Variants in CSMD1 observed in about 807,000 individuals in gnomAD.
The protein encoded by CSMD1 is CUB and sushi domain-containing protein 1.
In CSMD1, 213 loss-of-function variants were observed where a neutral mutation model predicts 417.5. The observed-to-expected ratio is 0.51, with a 90% CI of 0.46 to 0.57. The LOEUF is 0.57. Ranked by LOEUF, CSMD1 falls within the 20% of genes least tolerant of loss-of-function variation. CSMD1 has a pLI of 0.00. For missense variants in CSMD1, 6,923 were observed against 4,529.7 expected (o/e 1.53, Z -15.17); for synonymous variants, 2,862 against 1,736.8 (o/e 1.65, Z -16.11).
intron 5 of CSMD1, among the ~76,000 whole-genome samples, chr8:3,858,334 G>C (rs1165166024): frequency 6.6e-6 from 1 of 152,084 alleles, no homozygotes; most frequent in African/African-American, 2.4e-5. Flanking sequence ...CTTCTTTTGA[G>C]AAAAATGCTT....
chr8:4,809,863 G>A (rs182415820), intron 1 of CSMD1, among the ~76,000 whole-genome samples: 1 of 152,262 alleles, frequency 6.6e-6, no homozygotes, highest in South Asian at 2.1e-4. Flanking sequence ...GCCACATGGG[G>A]CAAGCGGTTG....
intron 5 of CSMD1, among the ~76,000 whole-genome samples, chr8:3,799,446 T>C (rs1394086053): frequency 1.5e-5 from 2 of 132,166 alleles, no homozygotes; most frequent in East Asian, 4.8e-4. Context: ...CCTTCTTGTG[T>C]CCAAGTGTTC....
In CSMD1 at chr8:4,876,429, G is replaced by T. The variant is rs1457640598; in HGVS notation, c.85+117903C>A. Among the ~76,000 whole-genome samples, 4 of 152,038 alleles carry T rather than the reference G, an allele frequency of 2.6e-5. No individual in the cohort carries two copies. In the South Asian group the frequency reaches 8.3e-4, roughly 32 times the overall value. On this transcript the variant is annotated intron_variant, in intron 1 of 69. Transcript: ENST00000635120. Reference sequence around the variant, plus strand: ...AGTACAAGTGGCCTGTTTTTGTAAAGATCTTTACTTCATACATACTAAGAA... The same window carrying T: ...AGTACAAGTGGCCTGTTTTTGTAAATATCTTTACTTCATACATACTAAGAA...
At position 4,637,366 on chromosome 8, in the gene CSMD1, GGCT is replaced by G; in HGVS notation, c.275_277del (p.Gln92del). 6.2e-7 allele frequency: 1 copy of G among 1,613,726 alleles called. No individual in the cohort carries two copies. The highest frequency in any genetic ancestry group is 8.5e-7 in the Non-Finnish European group (1 of 1,179,694). ...CCTCACTTTTAAATTCCCTTGTTGA[GGCT>G]GTCCATCGTAAACTGATAAAATATC... is the stretch of plus-strand genomic sequence containing the variant. On this transcript the variant is annotated inframe_deletion, in exon 2 of 70. Coordinates refer to ENST00000635120, the MANE Select transcript of CSMD1 (RefSeq NM_033225.6).
At chr8:4,039,589 C>G (rs1423832929) in intron 3 of CSMD1, among the ~76,000 whole-genome samples, 3 of 152,134 alleles carry the variant, frequency 2.0e-5, no homozygotes, top group Non-Finnish European at 4.4e-5. Context: ...CTTCTACTTT[C>G]AAAAAGTCTC....
At chr8:4,402,405 T>A (rs779064427) in intron 3 of CSMD1, among the ~76,000 whole-genome samples, 13 of 152,088 alleles carry the variant, frequency 8.5e-5, no homozygotes, top group Non-Finnish European at 1.6e-4. Flanking sequence ...CCGCTAGCCT[T>A]ATTACTGCTG....
At chr8:4,307,711 T>G (rs935851742) in intron 3 of CSMD1, among the ~76,000 whole-genome samples, 7 of 152,188 alleles carry the variant, frequency 4.6e-5, no homozygotes, top group African/African-American at 1.7e-4. Flanking sequence ...CACGATGCTC[T>G]TGACCATGAG....
intron 27 of CSMD1, 48 bp from the exon 28 acceptor site, chr8:3,223,915 C>A: frequency 1.3e-6 from 2 of 1,596,538 alleles, no homozygotes; most frequent in Middle Eastern, 1.7e-4. Flanking sequence ...CAGCGAAGAA[C>A]GCCTGCCAGT....
At chr8:4,002,761 A>T (rs1815789687) in intron 4 of CSMD1, among the ~76,000 whole-genome samples, 1 of 152,228 alleles carries the variant, frequency 6.6e-6, no homozygotes, top group South Asian at 2.1e-4. Flanking sequence ...ACATTATTTA[A>T]CAAAGTATAT....
At chr8:3,616,984 G>T (rs958131740) in intron 7 of CSMD1, among the ~76,000 whole-genome samples, 187 bp from the exon 8 acceptor site, 1 of 59,192 alleles carries the variant, frequency 1.7e-5, no homozygotes, top group African/African-American at 5.9e-5. Context: ...AATCAAACAT[G>T]TGTTTTCCAG....
chr8:4,356,304 G>T (rs1387673451), intron 3 of CSMD1, among the ~76,000 whole-genome samples: 1 of 149,244 alleles, frequency 6.7e-6, no homozygotes, highest in Non-Finnish European at 1.5e-5. Context: ...CCTTATTATG[G>T]CTAAGTAGTA....
At chr8:3,897,725 A>C (rs954481468) in intron 5 of CSMD1, among the ~76,000 whole-genome samples, 12 of 152,158 alleles carry the variant, frequency 7.9e-5, no homozygotes, top group African/African-American at 2.7e-4. Flanking sequence ...AGCCCTATTA[A>C]AGTTACTGCA....
rs146581739 is a variant in CSMD1 at position 4,042,073 on chromosome 8, A to G, written c.416-9974T>C. On this transcript the variant is annotated intron_variant, in intron 3 of 69. Coordinates refer to ENST00000635120, the MANE Select transcript of CSMD1 (RefSeq NM_033225.6). ...CAGACACAAGTATGTAATTAAACTC[A>G]CTGAAGGCAGGGAACACAAAGAGGG... 2.6e-5 allele frequency among the ~76,000 whole-genome samples: 4 copies of G among 152,334 alleles called. No individual in the cohort carries two copies. The East Asian group carries it at 7.7e-4, about 29-fold the overall frequency.
chr8:3,379,736 C>A (rs947637858), intron 18 of CSMD1, among the ~76,000 whole-genome samples: 1 of 152,086 alleles, frequency 6.6e-6, no homozygotes, highest in African/African-American at 2.4e-5. Context: ...ACACTTTATA[C>A]AAAAATTAAC....
chr8:4,633,166 C>A (rs1024275250), intron 2 of CSMD1, among the ~76,000 whole-genome samples: 1 of 151,400 alleles, frequency 6.6e-6, no homozygotes. Flanking sequence ...TGTGCCAGGA[C>A]AGGAGCCTTC....
chr8:4,395,619 C>T (rs988589478), intron 3 of CSMD1, among the ~76,000 whole-genome samples: 3 of 152,020 alleles, frequency 2.0e-5, no homozygotes, highest in Admixed American at 6.6e-5. Context: ...AATATTGCCC[C>T]CATTATACTA....
chr8:3,741,456 G>C (rs967223571), intron 6 of CSMD1, among the ~76,000 whole-genome samples: 15 of 152,266 alleles, frequency 9.9e-5, no homozygotes, highest in East Asian at 5.8e-4. Flanking sequence ...CATCATGACA[G>C]AGGGAGTAGC....
At chr8:4,874,880 ATAGAG>A (rs58157923) in intron 1 of CSMD1, among the ~76,000 whole-genome samples, 5,147 of 149,386 alleles carry the variant, frequency 0.034, 267 homozygotes, top group African/African-American at 0.1. Context: ...TATATATAGT[ATAGAG>A]TATAGTGTAT....
At chr8:4,225,027 G>C (rs936705047) in intron 3 of CSMD1, among the ~76,000 whole-genome samples, 1 of 152,128 alleles carries the variant, frequency 6.6e-6, no homozygotes, top group Non-Finnish European at 1.5e-5. Context: ...CAAGACAATC[G>C]CTTGAACCCT....
Sources: gnomAD v4.1 joint callset for allele counts (sites outside exome capture counted in the v4.1 genomes callset) on GRCh38, gnomAD v4.1.1 for gene constraint, MANE v1.5 for transcripts, NCBI Gene and HGNC (gene_info 2026-07-23, HGNC 2026-07-21) for gene names.